The following CIT variants were observed in gnomAD, a reference collection of about 807,000 sequenced individuals.
The protein encoded by CIT is citron rho-interacting serine/threonine kinase.
In CIT, 79 loss-of-function variants were observed where a neutral mutation model predicts 272.7. The observed-to-expected ratio is 0.29, with a 90% CI of 0.24 to 0.35. The LOEUF (loss-of-function observed/expected upper bound fraction) is 0.35. Ranked by LOEUF, CIT falls within the 10% of genes least tolerant of loss-of-function variation. The pLI, the probability that CIT is intolerant of heterozygous loss-of-function variation, is 1.00. For missense variants in CIT, 1,909 were observed against 2,618.3 expected (o/e 0.73, Z 5.91); for synonymous variants, 948 against 995.6 (o/e 0.95, Z 0.90).
At chr12:119,796,951 C>G (rs1205791377) in intron 10 of CIT, among the ~76,000 whole-genome samples, 1 of 152,202 alleles carries the variant, frequency 6.6e-6, no homozygotes, top group African/African-American at 2.4e-5. Flanking sequence ...TCAACGGCTT[C>G]TGAGACAGTC....
intron 14 of CIT, 70 bp from the exon 15 acceptor site, chr12:119,776,478 T>TG (rs1963760010): frequency 1.5e-6 from 2 of 1,339,446 alleles, no homozygotes; most frequent in Non-Finnish European, 2.1e-6. Context: ...ACTACTTTCT[T>TG]GGTCTCTGTG....
intron 5 of CIT, among the ~76,000 whole-genome samples, chr12:119,836,852 G>T (rs1969055129): frequency 6.6e-6 from 1 of 152,206 alleles, no homozygotes; most frequent in South Asian, 2.1e-4. Flanking sequence ...CAGTAAAATA[G>T]TTCAGAAAAC....
intron 23 of CIT, among the ~76,000 whole-genome samples, chr12:119,746,281 G>A (rs911820422): frequency 6.6e-6 from 1 of 152,174 alleles, no homozygotes; most frequent in Admixed American, 6.5e-5. Context: ...GTCTTGGTTA[G>A]AACTACTTAA....
In CIT at chr12:119,857,465, T is replaced by G. The variant is rs1320375295; in HGVS notation, c.414+58A>C. 3 of 1,559,366 alleles carry G rather than the reference T, an allele frequency of 1.9e-6. No individual in the cohort carries two copies. In the East Asian group the frequency reaches 6.8e-5, roughly 35 times the overall value. ...GACGCCAGTGCAGCAGATTATCGTC[T>G]TTGCAATGAACACTCCGGTACAGAA... On this transcript the variant is annotated intron_variant, in intron 4 of 47. Coordinates refer to ENST00000392521, the MANE Select transcript of CIT (RefSeq NM_001206999.2).
At chr12:119,777,525 C>A (rs375976218) in intron 13 of CIT, among the ~76,000 whole-genome samples, 2 of 151,616 alleles carry the variant, frequency 1.3e-5, no homozygotes, top group African/African-American at 4.8e-5. Context: ...CAAAAATTAG[C>A]CAGGTGTGGT....
chr12:119,846,653 C>T (rs1358754376), intron 5 of CIT, among the ~76,000 whole-genome samples: 1 of 152,076 alleles, frequency 6.6e-6, no homozygotes, highest in Non-Finnish European at 1.5e-5. Context: ...CCTGTGATCC[C>T]AACAATTTGG....
At chr12:119,765,452 A>G (rs1359801629) in intron 19 of CIT, among the ~76,000 whole-genome samples, 2 of 145,434 alleles carry the variant, frequency 1.4e-5, no homozygotes, top group African/African-American at 5.0e-5. Context: ...AGAATAAGAT[A>G]AGTAAAAAGA....
At chr12:119,765,359 TATATATATTATATATAATATA>T (rs1399950563) in intron 19 of CIT, among the ~76,000 whole-genome samples, 1 of 145,098 alleles carries the variant, frequency 6.9e-6, no homozygotes, top group African/African-American at 2.6e-5. Flanking sequence ...TCTCTAAATA[TATATATATTATATATAATATA>T]ATATATATTA....
Position 119,712,177 on chromosome 12 carries a change from C to A in CIT, c.4854+1G>T. Reference sequence around the variant, plus strand: ...CCTCCAGGGCCCGCTTTCATACTCACAGCATCAGCTTCTGCTTTTTCCCTA... The same window carrying A: ...CCTCCAGGGCCCGCTTTCATACTCAAAGCATCAGCTTCTGCTTTTTCCCTA... On this transcript the variant is annotated splice_donor_variant, in intron 37 of 47. Coordinates refer to ENST00000392521, the MANE Select transcript of CIT (RefSeq NM_001206999.2). LOFTEE classifies it high-confidence loss of function. The surrounding 1 kb of genome is among the most constrained non-coding windows in gnomAD (Gnocchi z 5.2). The A allele has an allele frequency of 6.3e-7, 1 of 1,589,722 alleles. No individual in the cohort carries two copies. The highest frequency in any genetic ancestry group is 8.6e-7 in the Non-Finnish European group (1 of 1,166,880).
chr12:119,711,051 G>A (rs1957135601), intron 37 of CIT: 3 of 1,367,288 alleles, frequency 2.2e-6, no homozygotes, highest in African/African-American at 2.9e-5. Context: ...CTCTTTACCT[G>A]AACCCAGGCA....
At chr12:119,783,615 T>G in intron 12 of CIT, 2 of 240,138 alleles carry the variant, frequency 8.3e-6, no homozygotes, top group Non-Finnish European at 8.1e-6. Context: ...GGATGGGAGA[T>G]GTTAAGATCT....
chr12:119,820,220 T>A (rs1197652419), intron 9 of CIT, among the ~76,000 whole-genome samples: 1 of 152,132 alleles, frequency 6.6e-6, no homozygotes, highest in Non-Finnish European at 1.5e-5. Context: ...GACAAATAGT[T>A]TTTCAAACAC....
intron 13 of CIT, among the ~76,000 whole-genome samples, chr12:119,780,128 A>G (rs1375505752): frequency 6.6e-6 from 1 of 152,154 alleles, no homozygotes; most frequent in South Asian, 2.1e-4. Flanking sequence ...TCACTCAGAA[A>G]CCATGGAACA....
At chr12:119,721,761 T>G (rs986912885) in intron 28 of CIT, among the ~76,000 whole-genome samples, 6 of 152,148 alleles carry the variant, frequency 3.9e-5, no homozygotes, top group Non-Finnish European at 8.8e-5. Flanking sequence ...GTGAGGATAT[T>G]TTGGATGGCA....
At chr12:119,866,437 C>T (rs1376877649) in intron 3 of CIT, among the ~76,000 whole-genome samples, 1 of 152,218 alleles carries the variant, frequency 6.6e-6, no homozygotes, top group African/African-American at 2.4e-5. Flanking sequence ...GACCATGTAG[C>T]TCAGAGGTCA....
intron 14 of CIT, 106 bp downstream of exon 14, chr12:119,776,547 TTTTCCAAGGTATCCTACTA>T: frequency 8.7e-7 from 1 of 1,145,792 alleles, no homozygotes; most frequent in Admixed American, 2.3e-5. Flanking sequence ...AGACCAAGAG[TTTTCCAAGGTATCCTACTA>T]TTTCTCAAAC....
intron 4 of CIT, among the ~76,000 whole-genome samples, chr12:119,856,648 A>G (rs2138299352): frequency 6.6e-6 from 1 of 152,016 alleles, no homozygotes; most frequent in African/African-American, 2.4e-5. Flanking sequence ...GAGAACCTAC[A>G]TTTCCCCCCA....
chr12:119,826,913 C>T (rs1314358486), intron 7 of CIT, among the ~76,000 whole-genome samples: 4 of 152,064 alleles, frequency 2.6e-5, no homozygotes, highest in Admixed American at 2.0e-4. Context: ...CTCCTCTCCC[C>T]GGGGCTGATT....
chr12:119,771,031 A>G, intron 17 of CIT, 121 bp from the exon 18 acceptor site: 2 of 1,133,540 alleles, frequency 1.8e-6, no homozygotes, highest in South Asian at 3.2e-5. Flanking sequence ...AGTCTCAGGC[A>G]CCCGAAGCAA....
Sources: allele counts gnomAD v4.1 joint callset (sites outside exome capture counted in the v4.1 genomes callset), GRCh38; gene constraint gnomAD v4.1.1; non-coding constraint Gnocchi (gnomAD v3.1); transcripts MANE v1.5; gene names NCBI Gene and HGNC (gene_info 2026-07-23, HGNC 2026-07-21).